PUM2: variants seen among roughly 807,000 people sequenced by gnomAD.
The protein encoded by PUM2 is pumilio homolog 2.
A neutral mutation model predicts 124.5 loss-of-function variants in PUM2; 57 were observed. The ratio of observed to expected loss-of-function variants is 0.46; its 90% CI spans 0.37 to 0.57. PUM2 has a LOEUF of 0.57. Among genes scored for constraint, PUM2 ranks in the 20% least tolerant of loss-of-function variants. The pLI is 0.00. For synonymous variants in PUM2, 460 were observed against 446.1 expected (o/e 1.03, Z -0.39); for missense variants, 1,065 against 1,290.6 (o/e 0.83, Z 2.68).
intron 13 of PUM2, among the ~76,000 whole-genome samples, chr2:20,272,393 C>T (rs900566423): frequency 6.6e-6 from 1 of 152,188 alleles, no homozygotes; most frequent in African/African-American, 2.4e-5. Context: ...CATTCCCCCT[C>T]ATTTGGATAT....
chr2:20,308,357 G>A lies in PUM2; in HGVS notation c.746C>T (p.Ser249Leu). The A allele has an allele frequency of 2.5e-6, 4 of 1,614,034 alleles. No individual in the cohort carries two copies. Among genetic ancestry groups the A allele is most frequent in the Non-Finnish European group, 3.4e-6 (4 of 1,179,898 alleles). The change falls in exon 6 of 21, where the codon TCA (serine) becomes TTA (leucine). Residue 249 changes from serine to leucine, a missense_variant. Coordinates refer to ENST00000361078, the MANE Select transcript of PUM2 (RefSeq NM_015317.5). ...YPGNQVPMDSSGATVGLFDYN... is the reference protein window; with the variant it reads ...YPGNQVPMDSLGATVGLFDYN... ...GTCAAAAAGGCCTACAGTAGCTCCT[G>A]AAGAGTCCATTGGTACCTGATTACC... is the stretch of plus-strand genomic sequence containing the variant.
At chr2:20,262,590 C>A (rs977387049) in intron 14 of PUM2, among the ~76,000 whole-genome samples, 1 of 152,174 alleles carries the variant, frequency 6.6e-6, no homozygotes, top group Non-Finnish European at 1.5e-5. Context: ...AAAATTTGTA[C>A]ACCATCTAAT....
At chr2:20,288,964 A>G (rs560282391) in intron 10 of PUM2, among the ~76,000 whole-genome samples, 11 of 152,228 alleles carry the variant, frequency 7.2e-5, no homozygotes, top group Non-Finnish European at 1.5e-4. Flanking sequence ...AAGGCTAAAA[A>G]GTTGTGGCTC....
At chr2:20,278,971 T>C in intron 12 of PUM2, 152 bp from the exon 13 acceptor site, 1 of 618,700 alleles carries the variant, frequency 1.6e-6, no homozygotes, top group South Asian at 2.1e-5. Context: ...CTATATATAC[T>C]AACTTATTAA....
chr2:20,312,380 T>C lies in PUM2; in HGVS notation c.204A>G (p.Gly68=). 6.2e-7 allele frequency: 1 copy of C among 1,613,856 alleles called. No homozygotes were observed. The highest frequency in any genetic ancestry group is 8.5e-7 in the Non-Finnish European group (1 of 1,179,850). ...SQPIMVQRRS[G]QGFHGNSEVN... is the part of the protein sequence containing the mutation. ...CTTCACTGTTTCCATGAAAACCCTG[T>C]CCAGATCTTCTCTGTACCATAATAG... Residue 68 remains glycine (G), a synonymous_variant, in exon 4 of 21, where the codon GGA becomes GGG. Coordinates refer to ENST00000361078, the MANE Select transcript of PUM2 (RefSeq NM_015317.5).
At chr2:20,278,199 T>C (rs1157651270) in intron 13 of PUM2, among the ~76,000 whole-genome samples, 2 of 152,156 alleles carry the variant, frequency 1.3e-5, no homozygotes, top group Non-Finnish European at 2.9e-5. Context: ...ACTAACCTAG[T>C]TCAGTAGCTA....
intron 5 of PUM2, among the ~76,000 whole-genome samples, chr2:20,308,787 ATAT>A (rs763719795): frequency 1.3e-5 from 2 of 152,180 alleles, no homozygotes; most frequent in African/African-American, 2.4e-5. Context: ...GATTTTAAAA[ATAT>A]TATTAATGAT....
At chr2:20,323,472 CAT>C (rs1318280571) in intron 2 of PUM2, among the ~76,000 whole-genome samples, 1 of 149,452 alleles carries the variant, frequency 6.7e-6, no homozygotes, top group Non-Finnish European at 1.5e-5. Flanking sequence ...AAAAGAATGG[CAT>C]ATAGTACACA....
intron 7 of PUM2, among the ~76,000 whole-genome samples, chr2:20,306,655 C>A (rs1280680117): frequency 1.4e-5 from 2 of 146,246 alleles, no homozygotes; most frequent in Non-Finnish European, 3.0e-5. Flanking sequence ...GTCACCCAGG[C>A]TGGAGTGCAG....
chr2:20,258,209 A>G (rs772514676), intron 16 of PUM2, 34 bp downstream of exon 16: 2 of 1,524,338 alleles, frequency 1.3e-6, no homozygotes, highest in East Asian at 4.8e-5. Context: ...ATTGAATAAA[A>G]TAATACAAAA....
chr2:20,259,660 C>T (rs1187231687), intron 15 of PUM2, among the ~76,000 whole-genome samples: 1 of 152,068 alleles, frequency 6.6e-6, no homozygotes, highest in African/African-American at 2.4e-5. Flanking sequence ...ATACATATAC[C>T]ACTTGTATTT....
chr2:20,258,335 G>T lies in PUM2; in HGVS notation c.2392C>A (p.Arg798Ser). Residue 798 changes from arginine (R) to serine (S), a missense_variant, in exon 16 of 21, where the codon CGT (arginine) becomes AGT (serine). By Grantham distance (110) the Arg-to-Ser change is moderately radical. Coordinates refer to ENST00000361078, the MANE Select transcript of PUM2 (RefSeq NM_015317.5). ...AAGGGTAGAACATGACCACGAATAC[G>T]AGTAGCCAGGGCTAATTTTTGATCC... Reference protein sequence around the residue: ...SLDQKLALATRIRGHVLPLAL... With the variant: ...SLDQKLALATSIRGHVLPLAL... The T allele has an allele frequency of 6.2e-7, 1 of 1,612,320 alleles. No homozygotes were observed. The highest frequency in any genetic ancestry group is 1.1e-5 in the South Asian group (1 of 90,912).
chr2:20,319,889 G>T (rs1286923997), intron 2 of PUM2, among the ~76,000 whole-genome samples: 1 of 152,190 alleles, frequency 6.6e-6, no homozygotes, highest in South Asian at 2.1e-4. Context: ...AACTCAAGTT[G>T]TAAGTTTTAA....
At chr2:20,268,134 T>G (rs1668141579) in intron 13 of PUM2, among the ~76,000 whole-genome samples, 1 of 152,166 alleles carries the variant, frequency 6.6e-6, no homozygotes, top group Non-Finnish European at 1.5e-5. Context: ...AGCTACTCAA[T>G]CTATGAGGCC....
At chr2:20,257,171 T>TA (rs1665024634) in intron 16 of PUM2, among the ~76,000 whole-genome samples, 1 of 151,490 alleles carries the variant, frequency 6.6e-6, no homozygotes, top group African/African-American at 2.4e-5. Flanking sequence ...AAAATATCTA[T>TA]ACCAGTTAGA....
chr2:20,259,647 T>C (rs955732282), intron 15 of PUM2, among the ~76,000 whole-genome samples: 4 of 152,266 alleles, frequency 2.6e-5, no homozygotes, highest in African/African-American at 9.6e-5. Context: ...TATTCTATAA[T>C]GTATACATAT....
intron 13 of PUM2, 83 bp from the exon 14 acceptor site, chr2:20,263,543 C>A (rs1666805812): frequency 7.0e-7 from 1 of 1,433,564 alleles, no homozygotes; most frequent in South Asian, 1.4e-5. Context: ...CAAATTCAGT[C>A]AATAAAGAAA....
intron 15 of PUM2, among the ~76,000 whole-genome samples, chr2:20,259,732 G>A (rs1665716956): frequency 6.6e-6 from 1 of 152,140 alleles, no homozygotes; most frequent in African/African-American, 2.4e-5. Context: ...GTGAATAATG[G>A]TGCAATATAT....
intron 9 of PUM2, among the ~76,000 whole-genome samples, 170 bp from the exon 10 acceptor site, chr2:20,290,960 AAC>A (rs1222187427): frequency 1.3e-5 from 2 of 152,204 alleles, no homozygotes; most frequent in Non-Finnish European, 2.9e-5. Flanking sequence ...TAACATCAAA[AAC>A]ACAATCACTA....
Sources: allele counts gnomAD v4.1 joint callset (sites outside exome capture counted in the v4.1 genomes callset), GRCh38; gene constraint gnomAD v4.1.1; transcripts MANE v1.5; gene names NCBI Gene and HGNC (gene_info 2026-07-23, HGNC 2026-07-21).